CPNE4: variants seen among roughly 807,000 people sequenced by gnomAD.
The protein encoded by CPNE4 is copine 4.
CPNE4 carries 25 observed loss-of-function variants against 67.9 expected under a neutral mutation model. The ratio of observed to expected loss-of-function variants is 0.37; its 90% CI spans 0.27 to 0.51. CPNE4 has a LOEUF of 0.51. Ranked by LOEUF, CPNE4 falls within the 20% of genes least tolerant of loss-of-function variation. The probability of loss-of-function intolerance (pLI) is 0.93; values close to 1 mark genes in which losing one functional copy is unlikely to be tolerated. For missense variants in CPNE4, 464 were observed against 690.8 expected (o/e 0.67, Z 3.68); for synonymous variants, 242 against 244.9 (o/e 0.99, Z 0.11).
intron 1 of CPNE4, among the ~76,000 whole-genome samples, chr3:132,024,710 T>C (rs943966658): frequency 6.6e-6 from 1 of 152,186 alleles, no homozygotes; most frequent in Non-Finnish European, 1.5e-5. Flanking sequence ...CATTACATGA[T>C]ACATGATAGG....
chr3:131,609,560 A>T (rs1184807618), intron 7 of CPNE4, among the ~76,000 whole-genome samples: 1 of 152,186 alleles, frequency 6.6e-6, no homozygotes, highest in Non-Finnish European at 1.5e-5. Flanking sequence ...AAGACTGCCC[A>T]AGAAAAACTT....
At chr3:131,696,312 T>A (rs2107695990) in intron 5 of CPNE4, among the ~76,000 whole-genome samples, 1 of 152,328 alleles carries the variant, frequency 6.6e-6, no homozygotes, top group East Asian at 1.9e-4. Flanking sequence ...CGGTGGCATT[T>A]GGAAACAGTC....
intron 7 of CPNE4, among the ~76,000 whole-genome samples, chr3:131,617,651 C>A (rs1441382252): frequency 6.6e-6 from 1 of 152,176 alleles, no homozygotes; most frequent in Admixed American, 6.5e-5. Context: ...AGAGGCCCAT[C>A]CTTAAGGACA....
chr3:131,773,567 C>T (rs2083222095), intron 2 of CPNE4, among the ~76,000 whole-genome samples: 2 of 151,922 alleles, frequency 1.3e-5, no homozygotes, highest in African/African-American at 4.8e-5. Context: ...AGGCTGGTCT[C>T]GAACTCCTGA....
chr3:131,991,035 G>T (rs1207149924), intron 1 of CPNE4, among the ~76,000 whole-genome samples: 1 of 136,224 alleles, frequency 7.3e-6, no homozygotes, highest in Admixed American at 8.3e-5. Context: ...GTTTCCTGAG[G>T]CCTCCTTCCC....
intron 7 of CPNE4, among the ~76,000 whole-genome samples, chr3:131,658,075 T>C (rs548022050): frequency 3.3e-5 from 5 of 152,338 alleles, no homozygotes; most frequent in East Asian, 1.9e-4. Context: ...AGGTTCCCTG[T>C]ATGGAGCTTG....
Position 131,801,374 on chromosome 3 carries a change from TATATATATATATGGTAC to T in CPNE4, c.181-77766_181-77750del, listed in dbSNP as rs1407025918. 1.0e-4 allele frequency among the ~76,000 whole-genome samples: 10 copies of T among 99,744 alleles called. No homozygotes were observed. In the South Asian group the frequency reaches 2.9e-3, roughly 29 times the overall value. 65.4% of individuals were successfully genotyped at this position (99,744 alleles called of 152,430 possible). On this transcript the variant is annotated intron_variant, in intron 2 of 15. Transcript: ENST00000429747. ...ATGTACCATATATATATATGTACCA[TATATATATATATGGTAC>T]ATATATATATAGGTACATATATACG...
intron 2 of CPNE4, among the ~76,000 whole-genome samples, chr3:131,848,211 T>C (rs1183219255): frequency 6.6e-6 from 1 of 152,200 alleles, no homozygotes; most frequent in Non-Finnish European, 1.5e-5. Context: ...TATTGCTTTA[T>C]GGCTTCCTTC....
At chr3:131,920,561 G>A (rs1202728061) in intron 1 of CPNE4, among the ~76,000 whole-genome samples, 1 of 151,890 alleles carries the variant, frequency 6.6e-6, no homozygotes, top group Non-Finnish European at 1.5e-5. Flanking sequence ...AGATATCTTG[G>A]GTGTGGGGGT....
intron 2 of CPNE4, among the ~76,000 whole-genome samples, chr3:131,753,196 C>T (rs994750065): frequency 3.3e-5 from 5 of 151,700 alleles, no homozygotes; most frequent in African/African-American, 1.2e-4. Context: ...TGTAATAAGT[C>T]CTCAACTGCC....
intron 7 of CPNE4, among the ~76,000 whole-genome samples, chr3:131,662,118 A>C (rs2080142032): frequency 6.6e-6 from 1 of 152,150 alleles, no homozygotes; most frequent in Non-Finnish European, 1.5e-5. Flanking sequence ...CATGCAATTA[A>C]TTCTAAAAGA....
intron 1 of CPNE4, among the ~76,000 whole-genome samples, chr3:132,024,507 T>C (rs1387626044): frequency 6.6e-6 from 1 of 152,060 alleles, no homozygotes; most frequent in Non-Finnish European, 1.5e-5. Context: ...TTTATTTGTC[T>C]CCTCTGTCTC....
chr3:131,604,750 C>T (rs1215840369), intron 7 of CPNE4, among the ~76,000 whole-genome samples: 2 of 150,160 alleles, frequency 1.3e-5, no homozygotes, highest in Non-Finnish European at 2.9e-5. Flanking sequence ...TGAGTTAATA[C>T]TTAATAAACT....
intron 1 of CPNE4, among the ~76,000 whole-genome samples, chr3:131,958,032 C>A (rs554021051): frequency 1.3e-5 from 2 of 152,214 alleles, no homozygotes; most frequent in African/African-American, 4.8e-5. Flanking sequence ...GTGGGACAGG[C>A]AAATAATGGG....
At chr3:131,759,593 G>A (rs866157057) in intron 2 of CPNE4, among the ~76,000 whole-genome samples, 7 of 142,838 alleles carry the variant, frequency 4.9e-5, no homozygotes, top group Admixed American at 4.4e-4. Context: ...AGATCCCAAC[G>A]AAGTCATCTT....
Position 131,620,551 on chromosome 3 carries a change from C to A in CPNE4, c.682-32969G>T, listed in dbSNP as rs942980059. On this transcript the variant is annotated intron_variant, in intron 7 of 15. Transcript: ENST00000429747. ...TATGTCCATACCCTTATCCCTGGGA[C>A]CTGTGGATATGTTACTTTAAATAGC... 3 of 702,042 alleles carry A rather than the reference C, an allele frequency of 4.3e-6. No homozygotes were observed. In the African/African-American group the frequency reaches 5.8e-5, roughly 14 times the overall value. 43.5% of individuals were successfully genotyped at this position (702,042 alleles called of 1,614,324 possible).
At chr3:131,738,362 GT>G (rs1392800329) in intron 2 of CPNE4, among the ~76,000 whole-genome samples, 1 of 152,212 alleles carries the variant, frequency 6.6e-6, no homozygotes, top group Non-Finnish European at 1.5e-5. Context: ...TGAGCTGAAT[GT>G]TTTTTGTATT....
At chr3:131,713,895 G>T (rs745804618) in intron 3 of CPNE4, among the ~76,000 whole-genome samples, 2 of 148,466 alleles carry the variant, frequency 1.3e-5, no homozygotes, top group East Asian at 3.9e-4. Flanking sequence ...AAAGACAGCA[G>T]TAAAAAAAAA....
At chr3:131,871,400 T>G (rs912850709) in intron 2 of CPNE4, among the ~76,000 whole-genome samples, 1 of 152,146 alleles carries the variant, frequency 6.6e-6, no homozygotes, top group African/African-American at 2.4e-5. Flanking sequence ...AGAATAGGGC[T>G]GTCTTATCAG....
Sources: allele counts gnomAD v4.1 joint callset (sites outside exome capture counted in the v4.1 genomes callset), GRCh38; gene constraint gnomAD v4.1.1; transcripts MANE v1.5; gene names NCBI Gene and HGNC (gene_info 2026-07-23, HGNC 2026-07-21).